Variants in DPP10 observed in about 807,000 individuals in gnomAD.
DPP10 encodes the protein dipeptidyl peptidase like 10.
Under a neutral mutation model 120.9 loss-of-function variants are expected in DPP10, and 33 were observed. That is an observed-to-expected ratio of 0.27 (90% CI 0.21 to 0.37). DPP10 has a LOEUF of 0.37. DPP10 is among the 10% of genes least tolerant of loss of function. The pLI, the probability that DPP10 is intolerant of heterozygous loss-of-function variation, is 1.00. For missense variants in DPP10, 816 were observed against 942.8 expected (o/e 0.87, Z 1.76); for synonymous variants, 337 against 326.1 (o/e 1.03, Z -0.36).
At chr2:114,797,878 G>C (rs562774465) in intron 1 of DPP10, among the ~76,000 whole-genome samples, 24 of 152,266 alleles carry the variant, frequency 1.6e-4, no homozygotes, top group Middle Eastern at 3.4e-3. Flanking sequence ...GGGGGAGAAA[G>C]GGTATTTTTA....
chr2:114,582,578 T>G (rs1429323692), intron 1 of DPP10, among the ~76,000 whole-genome samples: 1 of 152,240 alleles, frequency 6.6e-6, no homozygotes. Flanking sequence ...TAACTCCTGT[T>G]GTTCAACATC....
chr2:114,929,681 CAT>C (rs1167163082), intron 1 of DPP10, among the ~76,000 whole-genome samples: 6 of 152,148 alleles, frequency 3.9e-5, no homozygotes, highest in East Asian at 1.9e-4. Flanking sequence ...ATTGTTCACA[CAT>C]GTTTTACAAA....
intron 3 of DPP10, among the ~76,000 whole-genome samples, chr2:115,470,536 T>C (rs959541391): frequency 6.6e-6 from 1 of 152,120 alleles, no homozygotes; most frequent in Admixed American, 6.6e-5. Flanking sequence ...TTATTTGTAA[T>C]TGCAGTTCAG....
chr2:115,441,857 C>T (rs1287842621), intron 3 of DPP10, among the ~76,000 whole-genome samples: 1 of 148,360 alleles, frequency 6.7e-6, no homozygotes, highest in Non-Finnish European at 1.5e-5. Flanking sequence ...CGCTGTTTCC[C>T]CAGGCTGGAG....
intron 5 of DPP10, among the ~76,000 whole-genome samples, chr2:115,634,563 C>T (rs1004065111): frequency 4.6e-5 from 7 of 152,166 alleles, no homozygotes; most frequent in Non-Finnish European, 2.9e-5. Context: ...GGCTATAGAA[C>T]AGTAAAGATG....
In DPP10 at chr2:115,163,522, A is replaced by G. The variant is rs12615811; in HGVS notation, c.61-145717A>G. Among the ~76,000 whole-genome samples the G allele has an allele frequency of 0.011, 1,637 of 152,360 alleles. 93 individuals are homozygous for G. The East Asian group carries it at 0.16, about 15-fold the overall frequency. On this transcript the variant is annotated intron_variant, in intron 1 of 25. Transcript: ENST00000410059. ...GAGATAAGTATGAAAATATTAAAAC[A>G]TCATACGTTCCTTCCTTTTATACCC...
rs115518431 is a variant in DPP10 at position 115,004,660 on chromosome 2, T to A, written c.61-304579T>A. Among the ~76,000 whole-genome samples, 546 of 152,172 alleles carry A rather than the reference T, an allele frequency of 3.6e-3. 2 individuals carry two copies. Among genetic ancestry groups the A allele is most frequent in the African/African-American group, 0.013 (531 of 41,542 alleles). On this transcript the variant is annotated intron_variant, in intron 1 of 25. Coordinates refer to ENST00000410059, the MANE Select transcript of DPP10 (RefSeq NM_020868.6). ...CCACCCTAATACTGCACTTTTCCGT[T>A]GGGCTTAAAAAACGGCGCACCATGA...
chr2:114,866,521 T>C (rs1690250099), intron 1 of DPP10, among the ~76,000 whole-genome samples: 1 of 152,334 alleles, frequency 6.6e-6, no homozygotes, highest in Admixed American at 6.5e-5. Flanking sequence ...AATGGTAATG[T>C]GTTGTAAGCT....
chr2:114,554,187 AC>A (rs1688104349), intron 1 of DPP10, among the ~76,000 whole-genome samples: 1 of 152,078 alleles, frequency 6.6e-6, no homozygotes, highest in Admixed American at 6.6e-5. Flanking sequence ...TCTCTGACCC[AC>A]CCCAGCCCCT....
intron 16 of DPP10, among the ~76,000 whole-genome samples, chr2:115,781,872 G>A (rs34898210): frequency 0.29 from 43,980 of 151,828 alleles, 6,942 homozygotes; most frequent in Middle Eastern, 0.45. Context: ...TATGGTTAAC[G>A]TATTTTTAAA....
At position 115,346,908 on chromosome 2, in the gene DPP10, TTGACTC is replaced by T. The variant is rs543670473; in HGVS notation, c.271+3000_271+3005del. On this transcript the variant is annotated intron_variant, in intron 3 of 25. Coordinates refer to ENST00000410059, the MANE Select transcript of DPP10 (RefSeq NM_020868.6). The stretch of plus-strand genomic sequence containing the variant: ...TATAAAACTTGACCTCTTTCATTGT[TTGACTC>T]TGATGTGTCATCCTCATATCTAACA... Among the ~76,000 whole-genome samples, 25 of 152,254 alleles carry T rather than the reference TTGACTC, an allele frequency of 1.6e-4. No homozygotes were observed. In the East Asian group the frequency reaches 4.6e-3, roughly 28 times the overall value.
intron 3 of DPP10, among the ~76,000 whole-genome samples, chr2:115,400,727 C>T (rs139553458): frequency 4.1e-4 from 62 of 152,208 alleles, no homozygotes; most frequent in African/African-American, 1.3e-3. Context: ...AAGCAGAAAA[C>T]GAGTTAATAA....
intron 1 of DPP10, among the ~76,000 whole-genome samples, chr2:114,656,963 G>T (rs570445199): frequency 6.6e-6 from 1 of 152,070 alleles, no homozygotes; most frequent in Non-Finnish European, 1.5e-5. Flanking sequence ...TATAAGCACC[G>T]TTTTGATCTC....
At chr2:114,489,211 A>C (rs898802664) in intron 1 of DPP10, among the ~76,000 whole-genome samples, 6 of 152,072 alleles carry the variant, frequency 3.9e-5, no homozygotes, top group Admixed American at 3.9e-4. Flanking sequence ...CTGCACTGTT[A>C]TGTTTTAGAT....
intron 1 of DPP10, among the ~76,000 whole-genome samples, chr2:114,627,588 G>A (rs1367458304): frequency 6.6e-6 from 1 of 152,038 alleles, no homozygotes; most frequent in Admixed American, 6.6e-5. Context: ...GAGGCCAATA[G>A]AGGGGGTGAG....
chr2:115,237,420 G>A (rs1234472911), intron 1 of DPP10, among the ~76,000 whole-genome samples: 4 of 151,950 alleles, frequency 2.6e-5, no homozygotes, highest in Non-Finnish European at 5.9e-5. Flanking sequence ...CTCCTTTTCC[G>A]CAGGCCTCCA....
intron 5 of DPP10, among the ~76,000 whole-genome samples, chr2:115,628,565 G>C (rs1369212965): frequency 6.6e-6 from 1 of 151,842 alleles, no homozygotes; most frequent in Non-Finnish European, 1.5e-5. Flanking sequence ...TAATTGTTTT[G>C]GCTGCTTTCA....
chr2:114,643,935 ATTTT>A, intron 1 of DPP10, among the ~76,000 whole-genome samples: 1 of 130,186 alleles, frequency 7.7e-6, no homozygotes, highest in African/African-American at 3.1e-5. Context: ...ATATATATAT[ATTTT>A]TTTTTTTTTT....
At chr2:115,631,824 CT>C (rs1480586631) in intron 5 of DPP10, among the ~76,000 whole-genome samples, 3 of 152,270 alleles carry the variant, frequency 2.0e-5, no homozygotes, top group Admixed American at 6.5e-5. Context: ...GATTATTTTA[CT>C]TCCAATTATG....
Sources: gnomAD v4.1 joint callset for allele counts (sites outside exome capture counted in the v4.1 genomes callset) on GRCh38, gnomAD v4.1.1 for gene constraint, MANE v1.5 for transcripts, NCBI Gene and HGNC (gene_info 2026-07-23, HGNC 2026-07-21) for gene names.